Variants in PHACTR1 observed in about 807,000 individuals in gnomAD.
PHACTR1 encodes RPEL repeat containing 1.
PHACTR1 carries 16 observed loss-of-function variants against 69.2 expected under a neutral mutation model. That is an observed-to-expected ratio of 0.23 (90% CI 0.16 to 0.35). PHACTR1 has a LOEUF of 0.35. Among genes scored for constraint, PHACTR1 ranks in the 10% least tolerant of loss-of-function variants. The probability of loss-of-function intolerance (pLI) is 1.00; values close to 1 mark genes in which losing one functional copy is unlikely to be tolerated. For synonymous variants in PHACTR1, 312 were observed against 284.5 expected, an observed-to-expected ratio of 1.10 and a Z score of -0.97; for missense variants, 510 against 734.7, an observed-to-expected ratio of 0.69 and a Z score of 3.54.
In PHACTR1 at chr6:13,148,129, G is replaced by GTT. The variant is rs11428535; in HGVS notation, c.416-12066_416-12065dup. On this transcript the variant is annotated intron_variant, in intron 5 of 14. Transcript: ENST00000332995. ...CATAGTATATGTGTTCTTTTGCCTT[G>GTT]TTTTTTTTTTCACTCAGCATGGCTT... 2.7e-3 allele frequency among the ~76,000 whole-genome samples: 381 copies of GTT among 140,056 alleles called. 1 individual carries two copies. The highest frequency in any genetic ancestry group is 9.0e-3 in the African/African-American group (316 of 35,176). The allele number at this position is 140,056 out of a possible 152,430, so 91.9% of individuals were successfully genotyped here.
chr6:12,921,998 G>T (rs1424013718), intron 4 of PHACTR1, among the ~76,000 whole-genome samples: 1 of 152,188 alleles, frequency 6.6e-6, no homozygotes, highest in African/African-American at 2.4e-5. Context: ...TGGTGCCTGT[G>T]CTATCCACAT....
intron 4 of PHACTR1, among the ~76,000 whole-genome samples, chr6:12,791,393 G>A (rs1407491369): frequency 6.6e-6 from 1 of 152,052 alleles, no homozygotes; most frequent in Non-Finnish European, 1.5e-5. Context: ...GTTCAGAGAT[G>A]AATAATACCC....
chr6:13,249,039 C>T (rs1442727580), intron 10 of PHACTR1, among the ~76,000 whole-genome samples: 2 of 152,178 alleles, frequency 1.3e-5, no homozygotes, highest in Non-Finnish European at 2.9e-5. Context: ...CCTAACTGTA[C>T]CATTTTTAAA....
intron 4 of PHACTR1, among the ~76,000 whole-genome samples, chr6:13,024,691 T>G (rs968005461): frequency 6.6e-6 from 1 of 152,192 alleles, no homozygotes; most frequent in African/African-American, 2.4e-5. Flanking sequence ...ATATGAATTA[T>G]TCATGCACTA....
At chr6:13,162,882 G>A (rs545926597) in intron 6 of PHACTR1, among the ~76,000 whole-genome samples, 131 of 152,166 alleles carry the variant, frequency 8.6e-4, no homozygotes, top group African/African-American at 2.8e-3. Flanking sequence ...GAGAGCAGGC[G>A]CTGTGCCTCT....
At chr6:12,842,679 C>CTG (rs1778815695) in intron 4 of PHACTR1, among the ~76,000 whole-genome samples, 3 of 151,828 alleles carry the variant, frequency 2.0e-5, no homozygotes, top group Admixed American at 6.6e-5. Context: ...GTAGCTGGGA[C>CTG]TGTAGGCAAG....
At chr6:12,733,732 A>G (rs2127575453) in intron 3 of PHACTR1, among the ~76,000 whole-genome samples, 1 of 152,330 alleles carries the variant, frequency 6.6e-6, no homozygotes, top group South Asian at 2.1e-4. Context: ...AGAGTTTGCC[A>G]CGCAAAGATA....
intron 5 of PHACTR1, among the ~76,000 whole-genome samples, chr6:13,155,823 G>A (rs1758092453): frequency 6.6e-6 from 1 of 152,102 alleles, no homozygotes; most frequent in Non-Finnish European, 1.5e-5. Flanking sequence ...AGGAGGCAGA[G>A]GTTGGAGTGA....
At chr6:13,231,449 A>T (rs930986991) in intron 10 of PHACTR1, among the ~76,000 whole-genome samples, 6 of 99,582 alleles carry the variant, frequency 6.0e-5, no homozygotes, top group African/African-American at 1.8e-4. Context: ...GGGAGGGAGG[A>T]AGGAAAGAAG....
At chr6:13,153,549 G>A (rs1163312316) in intron 5 of PHACTR1, among the ~76,000 whole-genome samples, 1 of 152,190 alleles carries the variant, frequency 6.6e-6, no homozygotes, top group African/African-American at 2.4e-5. Flanking sequence ...TTGAATTGTA[G>A]ACTAGATGTT....
chr6:12,825,249 G>C (rs114626852), intron 4 of PHACTR1, among the ~76,000 whole-genome samples: 1 of 151,642 alleles, frequency 6.6e-6, no homozygotes, highest in Non-Finnish European at 1.5e-5. Context: ...GGAGTTCAAG[G>C]CTGCAGAGGG....
At chr6:12,740,001 TC>T (rs1764830823) in intron 3 of PHACTR1, among the ~76,000 whole-genome samples, 1 of 152,208 alleles carries the variant, frequency 6.6e-6, no homozygotes, top group Admixed American at 6.5e-5. Flanking sequence ...TTGTGCTCCG[TC>T]CAAGACATCT....
chr6:13,261,827 A>G (rs1333904883), intron 10 of PHACTR1, among the ~76,000 whole-genome samples: 2 of 152,252 alleles, frequency 1.3e-5, no homozygotes, highest in African/African-American at 2.4e-5. Flanking sequence ...GATTATTGTC[A>G]GTTAGACAGA....
At chr6:12,946,056 T>G (rs987446415) in intron 4 of PHACTR1, among the ~76,000 whole-genome samples, 1 of 151,134 alleles carries the variant, frequency 6.6e-6, no homozygotes, top group Non-Finnish European at 1.5e-5. Flanking sequence ...GTATACAGTA[T>G]TACACCAGAT....
At chr6:13,218,911 G>GAGAAGAGAAGAGAAGAGAAGAGAAT (rs1768164246) in intron 8 of PHACTR1, among the ~76,000 whole-genome samples, 1 of 139,210 alleles carries the variant, frequency 7.2e-6, no homozygotes, top group Non-Finnish European at 1.6e-5. Flanking sequence ...GAGAAGAGAA[G>GAGAAGAGAAGAGAAGAGAAGAGAAT]AGAAAAGGTA....
chr6:12,765,787 G>C (rs1768537120), intron 4 of PHACTR1, among the ~76,000 whole-genome samples: 1 of 152,136 alleles, frequency 6.6e-6, no homozygotes, highest in Admixed American at 6.5e-5. Flanking sequence ...GTTATATTAT[G>C]GTTGCAATAT....
intron 5 of PHACTR1, among the ~76,000 whole-genome samples, chr6:13,097,826 A>G (rs1362604057): frequency 2.0e-5 from 3 of 152,114 alleles, no homozygotes; most frequent in Non-Finnish European, 2.9e-5. Flanking sequence ...CATCCCCACT[A>G]TATGATTTGG....
At chr6:12,890,451 CAG>C (rs1332727239) in intron 4 of PHACTR1, among the ~76,000 whole-genome samples, 8 of 152,078 alleles carry the variant, frequency 5.3e-5, no homozygotes, top group Non-Finnish European at 8.8e-5. Flanking sequence ...CCACTTCACT[CAG>C]AGAAAAGCCA....
chr6:12,919,621 A>G (rs1787416814), intron 4 of PHACTR1, among the ~76,000 whole-genome samples: 1 of 152,192 alleles, frequency 6.6e-6, no homozygotes, highest in Non-Finnish European at 1.5e-5. Context: ...AAGGTTCTGG[A>G]GAGTTTTTCC....
Sources: allele counts gnomAD v4.1 joint callset (sites outside exome capture counted in the v4.1 genomes callset), GRCh38; gene constraint gnomAD v4.1.1; transcripts MANE v1.5; gene names NCBI Gene and HGNC (gene_info 2026-07-23, HGNC 2026-07-21).